SACS: variants seen among roughly 807,000 people sequenced by gnomAD.
SACS encodes the protein sacsin molecular chaperone, also known as sacsin.
In SACS, 197 loss-of-function variants were observed where a neutral mutation model predicts 348.0. That is an observed-to-expected ratio of 0.57 (90% confidence interval 0.50 to 0.64). The LOEUF (loss-of-function observed/expected upper bound fraction) is 0.64, where lower values mean the gene tolerates loss of function less well. SACS is among the 30% of genes least tolerant of loss of function. The pLI, the probability that SACS is intolerant of heterozygous loss-of-function variation, is 0.00. For missense variants in SACS, 4,999 were observed against 5,360.8 expected (o/e 0.93, Z 2.11); for synonymous variants, 1,985 against 1,910.6 (o/e 1.04, Z -1.02).
intron 1 of SACS, among the ~76,000 whole-genome samples, chr13:23,420,989 A>G (rs1873916334): frequency 6.6e-6 from 1 of 151,926 alleles, no homozygotes. Context: ...TGTCCACCAG[A>G]GTCCTGGGTA....
rs1085307756 is a variant in SACS at position 23,335,607 on chromosome 13, C to T, written c.8269G>A (p.Gly2757Arg). ...ISICEIDKST[G>R]ALNVLYSVKG... The stretch of plus-strand genomic sequence containing the variant: ...ACTGAATACAGCACATTTAGAGCTC[C>T]AGTACTCTTATCTATTTCACAAATA... Residue 2757 changes from glycine (G) to arginine (R), a missense_variant, in exon 10 of 10, where the codon GGA becomes AGA. Physicochemically the swap from Gly to Arg is moderately radical, Grantham distance 125 (BLOSUM62 -2). This residue lies in a region of SACS where 3,156 missense variants were observed against 3,380.1 expected (regional missense o/e 0.93). Transcript: ENST00000382292. This position sits in a 1 kb window ranked among gnomAD's most constrained non-coding sequence, Gnocchi z 4.7. 1.9e-6 allele frequency: 3 copies of T among 1,613,848 alleles called. No homozygotes were observed. The highest frequency in any genetic ancestry group is 2.2e-5 in the South Asian group (2 of 91,066).
chr13:23,413,310 A>G (rs1315170095), intron 1 of SACS, among the ~76,000 whole-genome samples: 1 of 152,198 alleles, frequency 6.6e-6, no homozygotes, highest in Non-Finnish European at 1.5e-5. Context: ...AAGTGGAGGG[A>G]CACATGAGAC....
At chr13:23,407,786 C>G (rs1371852241) in intron 2 of SACS, among the ~76,000 whole-genome samples, 1 of 152,210 alleles carries the variant, frequency 6.6e-6, no homozygotes, top group Non-Finnish European at 1.5e-5. Flanking sequence ...CCTAGCCCAG[C>G]TGGTGCATGC....
At chr13:23,347,033 C>T (rs1869650698) in intron 9 of SACS, among the ~76,000 whole-genome samples, 2 of 152,178 alleles carry the variant, frequency 1.3e-5, no homozygotes, top group African/African-American at 4.8e-5. Flanking sequence ...TATTTCAGTG[C>T]AAACTAAATC....
In SACS at chr13:23,348,868, T is replaced by C. The variant is rs559371231; in HGVS notation, c.2185+4917A>G. Among the ~76,000 whole-genome samples, 72 of 152,302 alleles carry C rather than the reference T, an allele frequency of 4.7e-4. No homozygotes were observed. In the South Asian group the frequency reaches 9.3e-3, roughly 20 times the overall value. ...AAGTAGGCACTGTGCTAGATGGTGGTAACAAATCTGACAGGTCTCTCTGCT... is the reference window on the plus strand; with the variant it reads ...AAGTAGGCACTGTGCTAGATGGTGGCAACAAATCTGACAGGTCTCTCTGCT... On this transcript the variant is annotated intron_variant, in intron 9 of 9. Coordinates refer to ENST00000382292, the MANE Select transcript of SACS (RefSeq NM_014363.6).
rs188757977 is a variant in SACS, at chr13:23,413,782, C to A, written c.-501-2042G>T. On this transcript the variant is annotated intron_variant, in intron 1 of 9. Coordinates refer to ENST00000382292, the MANE Select transcript of SACS (RefSeq NM_014363.6). ...TCAATGCAAAATCTTATTATTCTTT[C>A]ATGAATAATTCATGAAATTTTGATT... Among the ~76,000 whole-genome samples the A allele has an allele frequency of 2.0e-5, 3 of 152,152 alleles. No homozygotes were observed. The East Asian group carries it at 5.8e-4, about 29-fold the overall frequency.
At chr13:23,427,587 G>C (rs1371363120) in intron 1 of SACS, 1 of 152,290 alleles carries the variant, frequency 6.6e-6, no homozygotes, top group African/African-American at 2.4e-5. Context: ...GAGTTACACA[G>C]TTTCAAACAG....
chr13:23,385,320 A>T (rs1004572055), intron 2 of SACS, among the ~76,000 whole-genome samples: 12 of 151,320 alleles, frequency 7.9e-5, no homozygotes, highest in African/African-American at 2.9e-4. Context: ...ACTCCTGTTA[A>T]TGTTGATATT....
In SACS at chr13:23,366,953, C is replaced by T. The variant is rs533997376; in HGVS notation, c.345+1449G>A. Among the ~76,000 whole-genome samples, 13 of 152,244 alleles carry T rather than the reference C, an allele frequency of 8.5e-5. No individual in the cohort carries two copies. The South Asian group carries it at 2.7e-3, about 32-fold the overall frequency. Reference sequence around the variant, plus strand: ...AAACAGTCTAATTCTACCACAACATCCAAGGAACAAAGATTACATTGAACT... The same window carrying T: ...AAACAGTCTAATTCTACCACAACATTCAAGGAACAAAGATTACATTGAACT... On this transcript the variant is annotated intron_variant, in intron 5 of 9. Coordinates refer to ENST00000382292, the MANE Select transcript of SACS (RefSeq NM_014363.6).
chr13:23,329,817 CAG>C lies in SACS; in HGVS notation c.*317_*318del, dbSNP rs1883351125. On this transcript the variant is annotated 3_prime_UTR_variant, in exon 10 of 10. Transcript: ENST00000382292. ...AACATAAAATTAACTTCATCCTAAC[CAG>C]AGACATACATAGACTCTTATCTAAC... is the stretch of plus-strand genomic sequence containing the variant. 2.1e-6 allele frequency: 1 copy of C among 471,348 alleles called. No homozygotes were observed. The highest frequency in any genetic ancestry group is 3.8e-6 in the Non-Finnish European group (1 of 266,392). 29.2% of individuals were successfully genotyped at this position (471,348 alleles called of 1,614,324 possible). A position where few individuals can be genotyped will look rare whatever the true frequency, so the allele number is the denominator to read the frequency against.
Position 23,339,693 on chromosome 13 carries a change from T to C in SACS, c.4183A>G (p.Ile1395Val), listed in dbSNP as rs1439330038. 5.6e-6 allele frequency: 9 copies of C among 1,613,968 alleles called. No homozygotes were observed. Among genetic ancestry groups the C allele is most frequent in the Middle Eastern group, 1.6e-4 (1 of 6,082 alleles). ...ATGTCACAATAACAGCATTCGTGAATTGGCTTCATGATAAGTTTAGAAGGA... is the reference window on the plus strand; with the variant it reads ...ATGTCACAATAACAGCATTCGTGAACTGGCTTCATGATAAGTTTAGAAGGA... ...KNPSKLIMKP[I>V]HECCYCDIKV... The change falls in exon 10 of 10, where the codon ATT becomes GTT. Residue 1395 changes from isoleucine to valine, a missense_variant. This residue lies in a region of SACS where 3,156 missense variants were observed against 3,380.1 expected (regional missense o/e 0.93). Coordinates refer to ENST00000382292, the MANE Select transcript of SACS (RefSeq NM_014363.6).
chr13:23,339,150 C>T lies in SACS; in HGVS notation c.4726G>A (p.Glu1576Lys). ...ITDIPIIMSR[E>K]FMIMFDPNIN... Reference sequence around the variant, plus strand: ...TTTGGATCGAACATTATCATGAATTCCCGACTCATAATGATGGGAATGTCA... The same window carrying T: ...TTTGGATCGAACATTATCATGAATTTCCGACTCATAATGATGGGAATGTCA... The change falls in exon 10 of 10, where the codon GAA (glutamate) becomes AAA (lysine). Residue 1576 changes from glutamate to lysine, a missense_variant. Physicochemically the swap from Glu to Lys is moderately conservative, Grantham distance 56 (BLOSUM62 1). This residue lies in a region of SACS where 3,156 missense variants were observed against 3,380.1 expected (regional missense o/e 0.93). Transcript: ENST00000382292. The T allele has an allele frequency of 6.2e-7, 1 of 1,611,708 alleles. No individual in the cohort carries two copies. The highest frequency in any genetic ancestry group is 8.5e-7 in the Non-Finnish European group (1 of 1,178,532).
At chr13:23,387,838 T>C (rs1458352353) in intron 2 of SACS, among the ~76,000 whole-genome samples, 1 of 152,086 alleles carries the variant, frequency 6.6e-6, no homozygotes, top group Non-Finnish European at 1.5e-5. Flanking sequence ...GGCGGTGAGG[T>C]ACTATTAAGT....
At chr13:23,411,924 A>G (rs1029386325) in intron 1 of SACS, among the ~76,000 whole-genome samples, 184 bp from the exon 2 acceptor site, 2 of 152,210 alleles carry the variant, frequency 1.3e-5, no homozygotes, top group Non-Finnish European at 2.9e-5. Context: ...CTGGCCTCAC[A>G]AGACAGGCAA....
chr13:23,382,768 TTG>T (rs535047063), intron 2 of SACS, among the ~76,000 whole-genome samples: 1 of 150,894 alleles, frequency 6.6e-6, no homozygotes, highest in Non-Finnish European at 1.5e-5. Flanking sequence ...TTGTTTTGTT[TTG>T]TGTGTGTGTG....
intron 3 of SACS, chr13:23,373,806 A>AG (rs1241091656): frequency 6.6e-6 from 1 of 152,214 alleles, no homozygotes; most frequent in Non-Finnish European, 1.5e-5. Context: ...ACAAAAAAAA[A>AG]AAAAAAAAAG....
In SACS at chr13:23,338,977, T is replaced by C; in HGVS notation, c.4899A>G (p.Val1633=). 3.1e-6 allele frequency: 5 copies of C among 1,613,986 alleles called. No homozygotes were observed. The highest frequency in any genetic ancestry group is 2.2e-5 in the East Asian group (1 of 44,872). ...DVFGCQLPLT[V]EAPYSYNGTL... ...TTCCATTATAGCTGTAAGGTGCTTCTACAGTCAAAGGTAACTGACAGCCAA... is the reference window on the plus strand; with the variant it reads ...TTCCATTATAGCTGTAAGGTGCTTCCACAGTCAAAGGTAACTGACAGCCAA... The change falls in exon 10 of 10, where the codon GTA becomes GTG. Residue 1633 remains valine, a synonymous_variant. Coordinates refer to ENST00000382292, the MANE Select transcript of SACS (RefSeq NM_014363.6).
intron 8 of SACS, 45 bp from the exon 9 acceptor site, chr13:23,353,921 T>G: frequency 9.1e-7 from 1 of 1,097,784 alleles, no homozygotes; most frequent in Non-Finnish European, 1.4e-6. Context: ...TTCCCACAAT[T>G]CCAAGATTTT....
chr13:23,355,703 T>C lies in SACS; in HGVS notation c.909A>G (p.Ala303=), dbSNP rs41315020. Residue 303 remains alanine (A), a synonymous_variant, in exon 8 of 10, where the codon GCA becomes GCG. Coordinates refer to ENST00000382292, the MANE Select transcript of SACS (RefSeq NM_014363.6). ...TTTTCAGAAAGAGCAGCACTGTGTC[T>C]GCATCTGCCCTAAAAGACTCAAACA... ...LELFESFRAD[A]DTVLLFLKSV... is the part of the protein sequence containing the mutation. 0.04 allele frequency: 63,969 copies of C among 1,614,186 alleles called. 1,675 individuals carry two copies. The highest frequency in any genetic ancestry group is 0.12 in the East Asian group (5,219 of 44,882).
Sources: gnomAD v4.1 joint callset for allele counts (sites outside exome capture counted in the v4.1 genomes callset) on GRCh38, gnomAD v4.1.1 for gene constraint, gnomAD v4.1.1 regional missense constraint, Gnocchi (gnomAD v3.1) non-coding constraint, MANE v1.5 for transcripts, NCBI Gene and HGNC (gene_info 2026-07-23, HGNC 2026-07-21) for gene names.